Variants in RPS25 observed in about 807,000 individuals in gnomAD.
RPS25 encodes the protein ribosomal protein S25, also known as small ribosomal subunit protein eS25.
In RPS25, 1 loss-of-function variant was observed where a neutral mutation model predicts 14.4. That is an observed-to-expected ratio of 0.07 (90% confidence interval 0.02 to 0.33). The LOEUF (loss-of-function observed/expected upper bound fraction) is 0.33, where lower values mean the gene tolerates loss of function less well. Among genes scored for constraint, RPS25 ranks in the 10% least tolerant of loss-of-function variants. RPS25 has a pLI of 1.00. For synonymous variants in RPS25, 63 were observed against 53.8 expected, an observed-to-expected ratio of 1.17 and a Z score of -0.75; for missense variants, 65 against 144.6, an observed-to-expected ratio of 0.45 and a Z score of 2.82.
At chr11:119,017,645 C>G (rs1052326128) in intron 2 of RPS25, 100 bp from the exon 3 acceptor site, 3 of 1,093,352 alleles carry the variant, frequency 2.7e-6, no homozygotes, top group Non-Finnish European at 4.0e-6. Flanking sequence ...CCACCGTTAT[C>G]AAGGATAAAT....
Sources: gnomAD v4.1 joint callset for allele counts on GRCh38, gnomAD v4.1.1 for gene constraint, MANE v1.5 for transcripts, NCBI Gene and HGNC (gene_info 2026-07-23, HGNC 2026-07-21) for gene names.